Variants in NPNT observed in about 807,000 individuals in gnomAD.
NPNT encodes the protein preosteoblast EGF-like repeat protein with MAM domain.
NPNT carries 45 observed loss-of-function variants against 68.6 expected under a neutral mutation model. The ratio of observed to expected loss-of-function variants is 0.66; its 90% CI spans 0.52 to 0.84. The LOEUF is 0.84. Among genes scored for constraint, NPNT ranks in the 40% least tolerant of loss-of-function variants. NPNT has a pLI of 0.00. For synonymous variants in NPNT, 233 were observed against 253.3 expected (o/e 0.92, Z 0.76); for missense variants, 672 against 714.8 (o/e 0.94, Z 0.68).
intron 2 of NPNT, among the ~76,000 whole-genome samples, chr4:105,915,899 A>C (rs766866817): frequency 1.3e-5 from 2 of 152,156 alleles, no homozygotes; most frequent in Non-Finnish European, 2.9e-5. Flanking sequence ...TGCCACAACT[A>C]TCTCCACGGA....
rs1268345880 is a variant in NPNT at position 105,962,760 on chromosome 4, G to C, written c.1345+3634G>C. On this transcript the variant is annotated intron_variant, in intron 10 of 11. Coordinates refer to ENST00000379987, the MANE Select transcript of NPNT (RefSeq NM_001033047.3). ...AGAATATATTTTTAGAATATGTTGA[G>C]AGAATTATAACCCAGCACTGATGGG... Among the ~76,000 whole-genome samples, 4 of 152,110 alleles carry C rather than the reference G, an allele frequency of 2.6e-5. No homozygotes were observed. The East Asian group carries it at 7.7e-4, about 29-fold the overall frequency.
At chr4:105,950,785 G>T (rs1730765992) in intron 8 of NPNT, among the ~76,000 whole-genome samples, 1 of 152,082 alleles carries the variant, frequency 6.6e-6, no homozygotes, top group Non-Finnish European at 1.5e-5. Context: ...CTGCTCCCCT[G>T]CAACACATGG....
rs200928102 is a variant in NPNT, at chr4:105,927,380, A to G, written c.217A>G (p.Asn73Asp). ...CAAACATGGTGAATGTATCGGGCCA[A>G]ACAAGTGCAAGTGTCATCCTGGTTA... ...RCKHGECIGP[N>D]KCKCHPGYAG... Residue 73 changes from asparagine (N) to aspartate (D), a missense_variant, in exon 3 of 12, where the codon AAC becomes GAC. Coordinates refer to ENST00000379987, the MANE Select transcript of NPNT (RefSeq NM_001033047.3). 224 of 1,613,258 alleles carry G rather than the reference A, an allele frequency of 1.4e-4. No homozygotes were observed. The highest frequency in any genetic ancestry group is 1.8e-4 in the Non-Finnish European group (212 of 1,179,534).
At chr4:105,904,281 G>C (rs768248885) in intron 2 of NPNT, among the ~76,000 whole-genome samples, 2 of 152,100 alleles carry the variant, frequency 1.3e-5, no homozygotes. Flanking sequence ...TTTTATATGT[G>C]GTCAAATGGC....
At chr4:105,922,120 C>A (rs1486199659) in intron 2 of NPNT, among the ~76,000 whole-genome samples, 2 of 151,984 alleles carry the variant, frequency 1.3e-5, no homozygotes, top group Non-Finnish European at 2.9e-5. Context: ...TTGAGAAAAT[C>A]CTTCTCAAGT....
Position 105,968,989 on chromosome 4 carries a change from A to G in NPNT, c.1697A>G (p.Ter566=), listed in dbSNP as rs777999326. 2.5e-6 allele frequency: 4 copies of G among 1,583,890 alleles called. No homozygotes were observed. The highest frequency in any genetic ancestry group is 2.6e-6 in the Non-Finnish European group (3 of 1,152,678). The change falls in exon 12 of 12, where the codon TAA becomes TGA. Residue 566 remains the stop codon, a stop_retained_variant. Coordinates refer to ENST00000379987, the MANE Select transcript of NPNT (RefSeq NM_001033047.3). ...AAAGGCCACTGCTCTGAAGAACGCT[A>G]ACAACTCCAGAACTAACAATGAACT... ...LKKGHCSEER[*] is the part of the protein sequence containing the mutation.
At chr4:105,960,749 C>T (rs968354372) in intron 10 of NPNT, among the ~76,000 whole-genome samples, 12 of 149,150 alleles carry the variant, frequency 8.0e-5, no homozygotes, top group African/African-American at 3.1e-4. Flanking sequence ...AAGAGAGAAA[C>T]CAACATATCT....
chr4:105,935,069 C>T (rs1209146967), intron 3 of NPNT, among the ~76,000 whole-genome samples: 1 of 152,130 alleles, frequency 6.6e-6, no homozygotes, highest in Non-Finnish European at 1.5e-5. Context: ...TTATGAGCTG[C>T]CTGAAACTGT....
intron 2 of NPNT, among the ~76,000 whole-genome samples, chr4:105,916,889 TA>T (rs1248714027): frequency 1.3e-5 from 2 of 151,928 alleles, no homozygotes; most frequent in Non-Finnish European, 2.9e-5. Context: ...AAAAGGGATT[TA>T]AAAAAAAGAT....
Position 105,967,269 on chromosome 4 carries a change from T to C in NPNT, c.1427T>C (p.Met476Thr), listed in dbSNP as rs35488797. ...ARLVLPLGRL[M>T]HSGDLCLSFR... ...TTGGTGCTACCTCTCGGCCGCCTCA[T>C]GCATTCAGGGGACCTGTGCCTGTCA... is the stretch of plus-strand genomic sequence containing the variant. The change falls in exon 11 of 12, where the codon ATG (methionine) becomes ACG (threonine). Residue 476 changes from methionine (M) to threonine (T), a missense_variant. Met to Thr is a moderately conservative substitution (Grantham distance 81). Transcript: ENST00000379987. 1,762 of 1,614,046 alleles carry C rather than the reference T, an allele frequency of 1.1e-3. 16 individuals are homozygous for C. The African/African-American group carries it at 0.02, about 19-fold the overall frequency.
intron 2 of NPNT, chr4:105,911,653 T>C (rs1275829570): frequency 6.5e-6 from 1 of 153,694 alleles, no homozygotes; most frequent in African/African-American, 2.4e-5. Flanking sequence ...AAGAAGAAAA[T>C]GCTGTGGAAG....
At chr4:105,909,822 T>C (rs1217433666) in intron 2 of NPNT, among the ~76,000 whole-genome samples, 1 of 152,230 alleles carries the variant, frequency 6.6e-6, no homozygotes, top group Non-Finnish European at 1.5e-5. Flanking sequence ...AGGGAGGACC[T>C]TTCCCTTTTA....
chr4:105,918,769 T>C (rs1380872846), intron 2 of NPNT, among the ~76,000 whole-genome samples: 1 of 152,194 alleles, frequency 6.6e-6, no homozygotes, highest in Non-Finnish European at 1.5e-5. Context: ...GGGCGTTTCC[T>C]CCTTGTCATA....
chr4:105,937,230 C>T, intron 4 of NPNT, 102 bp downstream of exon 4: 1 of 1,164,222 alleles, frequency 8.6e-7, no homozygotes, highest in Non-Finnish European at 1.2e-6. Context: ...TTCTCCTAAA[C>T]AAGATGTGTG....
chr4:105,910,271 G>A (rs1292525563), intron 2 of NPNT, among the ~76,000 whole-genome samples: 2 of 152,058 alleles, frequency 1.3e-5, no homozygotes, highest in Non-Finnish European at 2.9e-5. Context: ...GTATAGTAAA[G>A]AACCTTCAGA....
At chr4:105,918,596 G>A (rs548440158) in intron 2 of NPNT, among the ~76,000 whole-genome samples, 2 of 152,196 alleles carry the variant, frequency 1.3e-5, no homozygotes, top group South Asian at 2.1e-4. Context: ...CTAAGCCTGT[G>A]TAATTAATCA....
chr4:105,965,126 G>C (rs557259847), intron 10 of NPNT, among the ~76,000 whole-genome samples: 1 of 152,038 alleles, frequency 6.6e-6, no homozygotes, highest in East Asian at 1.9e-4. Context: ...CCAACTTTCT[G>C]GTCAAGTTTT....
At chr4:105,919,263 C>A (rs1015001092) in intron 2 of NPNT, among the ~76,000 whole-genome samples, 1 of 151,838 alleles carries the variant, frequency 6.6e-6, no homozygotes, top group Non-Finnish European at 1.5e-5. Context: ...TCTTCCTTCC[C>A]GCCTCACCCT....
chr4:105,898,805 T>A (rs558202655), intron 2 of NPNT, among the ~76,000 whole-genome samples: 2 of 152,316 alleles, frequency 1.3e-5, no homozygotes, highest in Admixed American at 1.3e-4. Context: ...TATCGCGATC[T>A]TAAAATTGTA....
Sources: allele counts gnomAD v4.1 joint callset (sites outside exome capture counted in the v4.1 genomes callset), GRCh38; gene constraint gnomAD v4.1.1; transcripts MANE v1.5; gene names NCBI Gene and HGNC (gene_info 2026-07-23, HGNC 2026-07-21).